Variants in EXOC2 observed in about 807,000 individuals in gnomAD.
The protein encoded by EXOC2 is exocyst complex component 2, also known as SEC5-like 1.
In EXOC2, 70 loss-of-function variants were observed where a neutral mutation model predicts 131.8. That is an observed-to-expected ratio of 0.53 (90% CI 0.44 to 0.65). The LOEUF (loss-of-function observed/expected upper bound fraction) is 0.65. Ranked by LOEUF, EXOC2 falls within the 30% of genes least tolerant of loss-of-function variation. The pLI is 0.00. For synonymous variants in EXOC2, 411 were observed against 398.4 expected, an observed-to-expected ratio of 1.03 and a Z score of -0.38; for missense variants, 923 against 1,108.6, an observed-to-expected ratio of 0.83 and a Z score of 2.38.
chr6:643,959 C>T (rs1420200748), intron 1 of EXOC2, among the ~76,000 whole-genome samples: 2 of 152,010 alleles, frequency 1.3e-5, no homozygotes, highest in Non-Finnish European at 2.9e-5. Context: ...AGACAAGTTA[C>T]CCAAACTAAA....
intron 23 of EXOC2, 148 bp from the exon 24 acceptor site, chr6:499,848 T>C: frequency 1.6e-6 from 1 of 632,758 alleles, no homozygotes; most frequent in Middle Eastern, 2.5e-4. Flanking sequence ...AATCAAATGG[T>C]GAAAGGAGTA....
chr6:629,012 G>C (rs529753016), intron 4 of EXOC2, among the ~76,000 whole-genome samples: 25 of 152,212 alleles, frequency 1.6e-4, no homozygotes, highest in Non-Finnish European at 1.3e-4. Flanking sequence ...CCTCAGCCAG[G>C]GGCAAACCCC....
At chr6:682,163 ACCATT>A (rs1764432210) in intron 1 of EXOC2, among the ~76,000 whole-genome samples, 1 of 150,654 alleles carries the variant, frequency 6.6e-6, no homozygotes, top group South Asian at 2.1e-4. Flanking sequence ...ACAAGCCTTG[ACCATT>A]CCGCAGTTCC....
chr6:515,728 C>A (rs1057128445), intron 23 of EXOC2, among the ~76,000 whole-genome samples: 1 of 148,866 alleles, frequency 6.7e-6, no homozygotes, highest in Admixed American at 6.7e-5. Context: ...AAAGGAGAGA[C>A]GCACACAGCT....
rs369143675 is a variant in EXOC2, at chr6:637,698, T to C, written c.118+3A>G. The C allele has an allele frequency of 1.6e-5, 26 of 1,610,630 alleles. No individual in the cohort carries two copies. Among genetic ancestry groups the C allele is most frequent in the Admixed American group, 3.4e-5 (2 of 59,182 alleles). Reference sequence around the variant, plus strand: ...GGGTGCGTCGCAGGGCCTCTGCCCTTACCTATGAGGTCGGTGGGGCCAGTC... The same window carrying C: ...GGGTGCGTCGCAGGGCCTCTGCCCTCACCTATGAGGTCGGTGGGGCCAGTC... On this transcript the variant is annotated splice_donor_region_variant and intron_variant, in intron 2 of 27. Coordinates refer to ENST00000230449, the MANE Select transcript of EXOC2 (RefSeq NM_018303.6).
intron 1 of EXOC2, among the ~76,000 whole-genome samples, chr6:680,980 A>G (rs1023876422): frequency 1.8e-5 from 2 of 113,304 alleles, no homozygotes; most frequent in African/African-American, 7.3e-5. Flanking sequence ...AGAGACCTCA[A>G]AAGGCTGTGT....
At chr6:662,925 A>C (rs1056434767) in intron 1 of EXOC2, among the ~76,000 whole-genome samples, 1 of 152,062 alleles carries the variant, frequency 6.6e-6, no homozygotes, top group Admixed American at 6.6e-5. Context: ...TGGAAGGTGG[A>C]GGCTGCAGTG....
At chr6:611,057 G>C (rs1760689401) in intron 6 of EXOC2, among the ~76,000 whole-genome samples, 1 of 152,174 alleles carries the variant, frequency 6.6e-6, no homozygotes, top group Non-Finnish European at 1.5e-5. Flanking sequence ...TGAAACTGGG[G>C]TTCAACTTAC....
At chr6:644,928 A>G (rs1762511621) in intron 1 of EXOC2, among the ~76,000 whole-genome samples, 1 of 152,150 alleles carries the variant, frequency 6.6e-6, no homozygotes, top group Non-Finnish European at 1.5e-5. Flanking sequence ...CTGATTATAA[A>G]TTCATGCAAG....
At chr6:556,104 A>C (rs1757405054) in intron 18 of EXOC2, 91 bp from the exon 19 acceptor site, 1 of 1,188,114 alleles carries the variant, frequency 8.4e-7, no homozygotes, top group African/African-American at 1.5e-5. Flanking sequence ...AAAACGTGGA[A>C]CGCTGCTGCA....
At chr6:489,135 G>C (rs551426446) in intron 26 of EXOC2, 97 bp from the exon 27 acceptor site, 3 of 1,109,778 alleles carry the variant, frequency 2.7e-6, no homozygotes, top group Non-Finnish European at 3.9e-6. Context: ...GCCAATAAAA[G>C]CCAGTGAAGC....
intron 13 of EXOC2, among the ~76,000 whole-genome samples, chr6:566,517 C>T (rs926297850): frequency 3.9e-5 from 6 of 152,290 alleles, no homozygotes; most frequent in Admixed American, 6.5e-5. Flanking sequence ...TCGGCTAACA[C>T]CAGCGGCTCT....
intron 23 of EXOC2, among the ~76,000 whole-genome samples, chr6:515,338 A>G (rs1765085860): frequency 6.6e-6 from 1 of 152,218 alleles, no homozygotes; most frequent in Non-Finnish European, 1.5e-5. Context: ...ATACATGAAA[A>G]AAAGTTCATG....
chr6:533,236 T>A (rs549109079), intron 22 of EXOC2, among the ~76,000 whole-genome samples: 3 of 152,220 alleles, frequency 2.0e-5, no homozygotes. Flanking sequence ...TTGAAAATAC[T>A]AACCACTCAT....
At chr6:515,518 C>A (rs188586424) in intron 23 of EXOC2, among the ~76,000 whole-genome samples, 1 of 152,350 alleles carries the variant, frequency 6.6e-6, no homozygotes, top group Admixed American at 6.5e-5. Flanking sequence ...ACAGCAGGTT[C>A]AGGGCTGAAT....
At chr6:685,975 C>CTT (rs58492950) in intron 1 of EXOC2, among the ~76,000 whole-genome samples, 4 of 131,524 alleles carry the variant, frequency 3.0e-5, no homozygotes, top group African/African-American at 8.5e-5. Context: ...TCCTGGACCT[C>CTT]TTTTTTTTTT....
chr6:600,176 T>A (rs1760054231), intron 7 of EXOC2, among the ~76,000 whole-genome samples: 1 of 152,234 alleles, frequency 6.6e-6, no homozygotes, highest in Admixed American at 6.5e-5. Context: ...CTGTTAAAAG[T>A]CATCTTTGTA....
At chr6:606,168 C>T (rs1395763906) in intron 7 of EXOC2, among the ~76,000 whole-genome samples, 2 of 152,068 alleles carry the variant, frequency 1.3e-5, no homozygotes, top group African/African-American at 4.8e-5. Context: ...ATCACAAGGA[C>T]AAAAAACCAA....
At chr6:508,707 G>A (rs1430167910) in intron 23 of EXOC2, among the ~76,000 whole-genome samples, 1 of 152,118 alleles carries the variant, frequency 6.6e-6, no homozygotes, top group African/African-American at 2.4e-5. Flanking sequence ...TCCAAGTTTT[G>A]GCAATTATGA....
Sources: gnomAD v4.1 joint callset for allele counts (sites outside exome capture counted in the v4.1 genomes callset) on GRCh38, gnomAD v4.1.1 for gene constraint, MANE v1.5 for transcripts, NCBI Gene and HGNC (gene_info 2026-07-23, HGNC 2026-07-21) for gene names.